Variants in AVPI1 observed in about 807,000 individuals in gnomAD.
AVPI1 encodes arginine vasopressin induced 1, also known as arginine vasopressin-induced protein 1.
Under a neutral mutation model 11.9 loss-of-function variants are expected in AVPI1, and 9 were observed. The observed-to-expected ratio is 0.76, with a 90% CI of 0.46 to 1.32. The LOEUF is 1.32. Ranked by LOEUF, AVPI1 falls within the 40% of genes most tolerant of loss-of-function variation. The probability of loss-of-function intolerance (pLI) is 0.00; values close to 1 mark genes in which losing one functional copy is unlikely to be tolerated. For missense variants in AVPI1, 207 were observed against 195.8 expected (o/e 1.06, Z -0.34); for synonymous variants, 68 against 78.1 (o/e 0.87, Z 0.68).
chr10:97,680,035 C>A, intron 1 of AVPI1, 120 bp from the exon 2 acceptor site: 1 of 1,006,554 alleles, frequency 9.9e-7, no homozygotes, highest in Admixed American at 2.9e-5. Context: ...TGGAGGAAGT[C>A]TCCTGCCTTA....
intron 1 of AVPI1, among the ~76,000 whole-genome samples, chr10:97,684,094 T>C (rs1396743625): frequency 6.6e-6 from 1 of 152,166 alleles, no homozygotes; most frequent in African/African-American, 2.4e-5. Context: ...CTATGTTGTT[T>C]TGCTGCAGTG....
Position 97,679,236 on chromosome 10 carries a change from C to A in AVPI1, c.287+383G>T, listed in dbSNP as rs144455772. Among the ~76,000 whole-genome samples, 187 of 151,402 alleles carry A rather than the reference C, an allele frequency of 1.2e-3. 1 individual carries two copies. The highest frequency in any genetic ancestry group is 4.4e-3 in the African/African-American group (181 of 41,166). On this transcript the variant is annotated intron_variant, in intron 2 of 2. Transcript: ENST00000370626. The stretch of plus-strand genomic sequence containing the variant: ...CTCAGCTCACTGCAACCTCCACCTC[C>A]CAGATTCAAGTGACTCTCCTGCCTC...
chr10:97,679,200 G>A (rs997974845), intron 2 of AVPI1, among the ~76,000 whole-genome samples: 2 of 147,220 alleles, frequency 1.4e-5, no homozygotes, highest in Non-Finnish European at 3.0e-5. Flanking sequence ...GCTGGAGTGC[G>A]GTGGCGTCAT....
Position 97,679,768 on chromosome 10 carries a change from G to A in AVPI1, c.138C>T (p.Ser46=), listed in dbSNP as rs1166009515. The A allele has an allele frequency of 6.2e-6, 10 of 1,613,926 alleles. No homozygotes were observed. The highest frequency in any genetic ancestry group is 4.0e-5 in the African/African-American group (3 of 74,920). The change falls in exon 2 of 3, where the codon AGC becomes AGT. Residue 46 remains serine (S), a synonymous_variant. Transcript: ENST00000370626. ...CCCGTTCCTCGGCCAGCTGGTCCCC[G>A]CTGCGTTGAAACAGGGCTTGGATCT... ...LLQIQALFQR[S]GDQLAEERAQ...
In AVPI1 at chr10:97,680,856, A is replaced by G. The variant is rs146397977; in HGVS notation, c.-10-941T>C. ...AGAGGTGGAGGCAGAAGAGGAGGCT[A>G]CAAGGGTTAGAATATACTGTCAAGG... On this transcript the variant is annotated intron_variant, in intron 1 of 2. Coordinates refer to ENST00000370626, the MANE Select transcript of AVPI1 (RefSeq NM_021732.3). 9.4e-3 allele frequency among the ~76,000 whole-genome samples: 1,426 copies of G among 152,326 alleles called. 20 individuals are homozygous for G. Among genetic ancestry groups the G allele is most frequent in the African/African-American group, 0.028 (1,183 of 41,562 alleles).
At chr10:97,678,239 C>T (rs1468381264) in intron 2 of AVPI1, among the ~76,000 whole-genome samples, 1 of 152,164 alleles carries the variant, frequency 6.6e-6, no homozygotes, top group Non-Finnish European at 1.5e-5. Flanking sequence ...TCAGGTTGTG[C>T]AAAACTCAAC....
intron 1 of AVPI1, among the ~76,000 whole-genome samples, chr10:97,686,295 T>C (rs980895770): frequency 6.6e-6 from 1 of 152,200 alleles, no homozygotes. Flanking sequence ...CCAGGGGCTA[T>C]AGAATCATTG....
intron 1 of AVPI1, among the ~76,000 whole-genome samples, chr10:97,685,110 C>A (rs2041722646): frequency 6.6e-6 from 1 of 152,122 alleles, no homozygotes; most frequent in Non-Finnish European, 1.5e-5. Flanking sequence ...TACAAATGGA[C>A]CTTTCATTTC....
chr10:97,686,491 A>C (rs1589945503), intron 1 of AVPI1, among the ~76,000 whole-genome samples: 1 of 152,282 alleles, frequency 6.6e-6, no homozygotes, highest in South Asian at 2.1e-4. Context: ...AGAAAGCTAC[A>C]CCCAAAGTCA....
intron 2 of AVPI1, among the ~76,000 whole-genome samples, chr10:97,679,275 G>A (rs898165702): frequency 1.3e-5 from 2 of 151,454 alleles, no homozygotes; most frequent in African/African-American, 4.9e-5. Flanking sequence ...CTGCTGAGTA[G>A]CTGGGATTAC....
In AVPI1 at chr10:97,677,939, T is replaced by G; in HGVS notation, c.374A>C (p.Lys125Thr). The G allele has an allele frequency of 1.9e-6, 3 of 1,614,162 alleles. No homozygotes were observed. The highest frequency in any genetic ancestry group is 2.5e-6 in the Non-Finnish European group (3 of 1,180,026). The change falls in exon 3 of 3, where the codon AAA becomes ACA. Residue 125 changes from lysine to threonine, a missense_variant. Physicochemically the swap from Lys to Thr is moderately conservative, Grantham distance 78. Transcript: ENST00000370626. ...CCAGTTCCGGCGGATCCTGGCACTT[T>G]TCTTCCTAGAGTGCAGATACTGCTC... Reference protein sequence around the residue: ...SSEQYLHSRKKSARIRRNWRK... With the variant: ...SSEQYLHSRKTSARIRRNWRK...
intron 2 of AVPI1, among the ~76,000 whole-genome samples, chr10:97,678,644 A>G (rs1232922210): frequency 1.3e-5 from 2 of 151,038 alleles, no homozygotes; most frequent in South Asian, 2.1e-4. Flanking sequence ...TTCCTAGGCT[A>G]TATTCTCTGT....
chr10:97,679,001 T>G (rs774191854), intron 2 of AVPI1, among the ~76,000 whole-genome samples: 16 of 127,550 alleles, frequency 1.3e-4, no homozygotes, highest in East Asian at 2.5e-4. Context: ...GTGTGTGTGT[T>G]TTCAGAGACA....
chr10:97,685,553 T>A lies in AVPI1; in HGVS notation c.-11+1213A>T, dbSNP rs142014157. On this transcript the variant is annotated intron_variant, in intron 1 of 2. Coordinates refer to ENST00000370626, the MANE Select transcript of AVPI1 (RefSeq NM_021732.3). ...CCAATAACCCAGGTGATAGCAATAATCTCTGTAATCAGGGGCCTAGGGGCT... is the reference window on the plus strand; with the variant it reads ...CCAATAACCCAGGTGATAGCAATAAACTCTGTAATCAGGGGCCTAGGGGCT... Among the ~76,000 whole-genome samples the A allele has an allele frequency of 9.2e-5, 14 of 152,192 alleles. No individual in the cohort carries two copies. In the East Asian group the frequency reaches 2.7e-3, roughly 29 times the overall value.
At chr10:97,680,024 C>T in intron 1 of AVPI1, 109 bp from the exon 2 acceptor site, 2 of 1,072,012 alleles carry the variant, frequency 1.9e-6, no homozygotes, top group South Asian at 1.7e-5. Context: ...AAGAGCTAAA[C>T]TGGAGGAAGT....
chr10:97,686,204 CTTCT>C (rs2041727761), intron 1 of AVPI1, among the ~76,000 whole-genome samples: 1 of 152,146 alleles, frequency 6.6e-6, no homozygotes, highest in African/African-American at 2.4e-5. Context: ...GACGGCATTC[CTTCT>C]AGTACCTGGT....
intron 2 of AVPI1, among the ~76,000 whole-genome samples, chr10:97,679,056 AGAATGAGGTGAT>A: frequency 6.9e-6 from 1 of 145,324 alleles, no homozygotes; most frequent in African/African-American, 2.5e-5. Context: ...GAATAACGGC[AGAATGAGGTGAT>A]GCTACTAGGA....
At position 97,678,966 on chromosome 10, in the gene AVPI1, T is replaced by A. The variant is rs2041686221; in HGVS notation, c.287+653A>T. On this transcript the variant is annotated intron_variant, in intron 2 of 2. Transcript: ENST00000370626. Reference sequence around the variant, plus strand: ...GTGTGTGTGTGTGTGTGTGTGTGTGTGTGTGTGTGTGTGTGTGTGTGTGTG... The same window carrying A: ...GTGTGTGTGTGTGTGTGTGTGTGTGAGTGTGTGTGTGTGTGTGTGTGTGTG... 4.1e-5 allele frequency among the ~76,000 whole-genome samples: 3 copies of A among 72,638 alleles called. 1 individual carries two copies. In the East Asian group the frequency reaches 1.0e-3, roughly 25 times the overall value. 47.7% of individuals were successfully genotyped at this position (72,638 alleles called of 152,430 possible).
In AVPI1 at chr10:97,677,977, C is replaced by A; in HGVS notation, c.336G>T (p.Glu112Asp). The change falls in exon 3 of 3, where the codon GAG becomes GAT. Residue 112 changes from glutamate (E) to aspartate (D), a missense_variant. Transcript: ENST00000370626. ...SALANPQSAT[E>D]TASSEQYLHS... ...GCAGATACTGCTCACTGGAGGCTGT[C>A]TCTGTGGCACTCTGTGGGTTGGCCA... 6.2e-7 allele frequency: 1 copy of A among 1,614,192 alleles called. No homozygotes were observed. The highest frequency in any genetic ancestry group is 8.5e-7 in the Non-Finnish European group (1 of 1,180,022).
Sources: allele counts gnomAD v4.1 joint callset (sites outside exome capture counted in the v4.1 genomes callset), GRCh38; gene constraint gnomAD v4.1.1; transcripts MANE v1.5; gene names NCBI Gene and HGNC (gene_info 2026-07-23, HGNC 2026-07-21).